ARID2: variants seen among roughly 807,000 people sequenced by gnomAD.
ARID2 encodes the protein AT-rich interactive domain-containing protein 2.
In ARID2, 32 loss-of-function variants were observed where a neutral mutation model predicts 184.6. The observed-to-expected ratio is 0.17, with a 90% CI of 0.13 to 0.23. The LOEUF (loss-of-function observed/expected upper bound fraction) is 0.23. ARID2 is among the 10% of genes least tolerant of loss of function. The pLI is 1.00. For missense variants in ARID2, 1,696 were observed against 2,197.6 expected (o/e 0.77, Z 4.56); for synonymous variants, 836 against 772.6 (o/e 1.08, Z -1.36).
intron 16 of ARID2, among the ~76,000 whole-genome samples, chr12:45,889,892 C>T (rs1331404579): frequency 5.3e-5 from 8 of 152,182 alleles, no homozygotes; most frequent in African/African-American, 1.4e-4. Context: ...GAGTCGAGAT[C>T]GCACCATTGC....
chr12:45,790,348 A>T (rs1175410431), intron 3 of ARID2, among the ~76,000 whole-genome samples: 2 of 152,076 alleles, frequency 1.3e-5, no homozygotes, highest in East Asian at 1.9e-4. Context: ...TATTTGTATG[A>T]TATAGATTCA....
chr12:45,838,480 A>G (rs1943261545), intron 10 of ARID2, among the ~76,000 whole-genome samples: 1 of 152,200 alleles, frequency 6.6e-6, no homozygotes, highest in South Asian at 2.1e-4. Context: ...GTATATAGAT[A>G]TCCACTGCTG....
chr12:45,872,168 G>T (rs1200466591), intron 16 of ARID2, among the ~76,000 whole-genome samples: 1 of 151,536 alleles, frequency 6.6e-6, no homozygotes, highest in Non-Finnish European at 1.5e-5. Context: ...CCTGCTTTGG[G>T]TTTAATGTGC....
At chr12:45,739,582 G>T in intron 3 of ARID2, among the ~76,000 whole-genome samples, 1 of 151,060 alleles carries the variant, frequency 6.6e-6, no homozygotes, top group African/African-American at 2.4e-5. Context: ...AATATGGCCA[G>T]GTTTCATAAT....
chr12:45,832,044 G>A (rs965183100), intron 6 of ARID2, among the ~76,000 whole-genome samples: 6 of 151,920 alleles, frequency 3.9e-5, no homozygotes, highest in African/African-American at 1.5e-4. Flanking sequence ...CCTTTTCTGT[G>A]ATTTCTGCCT....
chr12:45,847,231 C>G (rs1177021071), intron 12 of ARID2, among the ~76,000 whole-genome samples: 3 of 152,020 alleles, frequency 2.0e-5, no homozygotes, highest in African/African-American at 7.2e-5. Context: ...TTATCTTTCA[C>G]TTTGTAGAAA....
chr12:45,736,929 A>T (rs1941137912), intron 3 of ARID2, among the ~76,000 whole-genome samples: 2 of 152,220 alleles, frequency 1.3e-5, no homozygotes, highest in African/African-American at 2.4e-5. Context: ...ACCCCACAGT[A>T]AATAGTGTAA....
At chr12:45,893,378 T>C in intron 18 of ARID2, 42 bp from the exon 19 acceptor site, 1 of 1,571,724 alleles carries the variant, frequency 6.4e-7, no homozygotes, top group East Asian at 2.4e-5. Context: ...GTCTGCAGTA[T>C]CACGTTAATT....
At chr12:45,774,618 A>T (rs915706816) in intron 3 of ARID2, among the ~76,000 whole-genome samples, 1 of 152,120 alleles carries the variant, frequency 6.6e-6, no homozygotes, top group Non-Finnish European at 1.5e-5. Flanking sequence ...GAGCGTCCCA[A>T]TATGCAGCAC....
At position 45,729,854 on chromosome 12, in the gene ARID2, G is replaced by A. The variant is rs574811185; in HGVS notation, c.18G>A (p.Gly6=). 4.3e-6 allele frequency: 7 copies of A among 1,611,288 alleles called. No homozygotes were observed. In the Admixed American group the frequency reaches 6.7e-5, roughly 15 times the overall value. ...AAAAAATAATGGCAAACTCGACGGG[G>A]AAGGCGCCTCCGGACGAGCGGAGAA... MANST[G]KAPPDERRKG... is the part of the protein sequence containing the mutation. Residue 6 remains glycine (G), a synonymous_variant, in exon 1 of 21, where the codon GGG becomes GGA. Transcript: ENST00000334344.
chr12:45,898,721 G>C (rs2136466983), intron 20 of ARID2, among the ~76,000 whole-genome samples: 1 of 152,104 alleles, frequency 6.6e-6, no homozygotes, highest in African/African-American at 2.4e-5. Flanking sequence ...TTTGAGACCA[G>C]CCTGGCCAGC....
intron 15 of ARID2, among the ~76,000 whole-genome samples, chr12:45,857,551 G>GA (rs976964328): frequency 6.6e-6 from 1 of 152,072 alleles, no homozygotes; most frequent in African/African-American, 2.4e-5. Flanking sequence ...TTAATAAGAG[G>GA]AAAAAACTTG....
At chr12:45,807,404 A>G (rs1232973583) in intron 3 of ARID2, among the ~76,000 whole-genome samples, 1 of 152,138 alleles carries the variant, frequency 6.6e-6, no homozygotes, top group Non-Finnish European at 1.5e-5. Flanking sequence ...TCAGTTTATA[A>G]GTATTCTACC....
chr12:45,810,965 T>C (rs979651270), intron 3 of ARID2, among the ~76,000 whole-genome samples: 11 of 152,020 alleles, frequency 7.2e-5, no homozygotes, highest in African/African-American at 2.7e-4. Flanking sequence ...ATCCCAGCAC[T>C]TTGGGAGGCC....
chr12:45,758,265 A>G (rs1941607118), intron 3 of ARID2, among the ~76,000 whole-genome samples: 1 of 152,218 alleles, frequency 6.6e-6, no homozygotes, highest in African/African-American at 2.4e-5. Flanking sequence ...TAGACTTTCT[A>G]ATAACTCTAT....
At chr12:45,903,871 A>C (rs1025122231) in intron 20 of ARID2, among the ~76,000 whole-genome samples, 1 of 152,014 alleles carries the variant, frequency 6.6e-6, no homozygotes, top group African/African-American at 2.4e-5. Flanking sequence ...TTAACATTTA[A>C]TATAAAATTT....
chr12:45,850,110 A>G lies in ARID2; in HGVS notation c.1987A>G (p.Thr663Ala). 1 of 1,614,060 alleles carries G rather than the reference A, an allele frequency of 6.2e-7. No individual in the cohort carries two copies. The highest frequency in any genetic ancestry group is 8.5e-7 in the Non-Finnish European group (1 of 1,179,968). The change falls in exon 15 of 21, where the codon ACT becomes GCT. Residue 663 changes from threonine to alanine, a missense_variant. By Grantham distance (58) the Thr-to-Ala change is moderately conservative. Coordinates refer to ENST00000334344, the MANE Select transcript of ARID2 (RefSeq NM_152641.4). ...TGTTGCCAACCAATCTTCAAATCTG[A>G]CTGCAACACAAATGTCTTTTCCTGT... is the stretch of plus-strand genomic sequence containing the variant. The part of the protein sequence containing the change: ...TPVANQSSNL[T>A]ATQMSFPVQG...
At chr12:45,820,387 A>C (rs563834354) in intron 5 of ARID2, among the ~76,000 whole-genome samples, 44 of 152,288 alleles carry the variant, frequency 2.9e-4, no homozygotes, top group African/African-American at 1.0e-3. Flanking sequence ...ATTTTAACTA[A>C]ATATTAGGTT....
intron 3 of ARID2, among the ~76,000 whole-genome samples, chr12:45,785,902 C>G (rs887270760): frequency 6.6e-6 from 1 of 152,022 alleles, no homozygotes; most frequent in African/African-American, 2.4e-5. Flanking sequence ...GGGCAGTGGT[C>G]CCCAACCTCT....
Sources: allele counts gnomAD v4.1 joint callset (sites outside exome capture counted in the v4.1 genomes callset), GRCh38; gene constraint gnomAD v4.1.1; transcripts MANE v1.5; gene names NCBI Gene and HGNC (gene_info 2026-07-23, HGNC 2026-07-21).